Variants in PCDHGB6 observed in about 807,000 individuals in gnomAD.
The protein encoded by PCDHGB6 is protocadherin gamma subfamily B, 6.
A neutral mutation model predicts 59.1 loss-of-function variants in PCDHGB6; 51 were observed. The ratio of observed to expected loss-of-function variants is 0.86; its 90% CI spans 0.69 to 1.09. The LOEUF is 1.09. Among genes scored for constraint, PCDHGB6 ranks in the 50% least tolerant of loss-of-function variants. The pLI is 0.00. For missense variants in PCDHGB6, 1,148 were observed against 1,205.1 expected (o/e 0.95, Z 0.70); for synonymous variants, 466 against 495.1 (o/e 0.94, Z 0.78).
At chr5:141,413,970 G>A in intron 1 of PCDHGB6, 1 of 1,613,450 alleles carries the variant, frequency 6.2e-7, no homozygotes, top group Non-Finnish European at 8.5e-7. Flanking sequence ...GCACTCAGCT[G>A]CTGACAGTCA....
chr5:141,423,119 G>A (rs769320490), intron 1 of PCDHGB6: 1 of 1,613,774 alleles, frequency 6.2e-7, no homozygotes, highest in South Asian at 1.1e-5. Context: ...CGTACAGCGC[G>A]GGCACTGCTG....
intron 1 of PCDHGB6, among the ~76,000 whole-genome samples, chr5:141,445,953 T>C (rs550111391): frequency 2.0e-4 from 31 of 152,308 alleles, no homozygotes; most frequent in Middle Eastern, 3.4e-3. Flanking sequence ...CTCTGGCTGC[T>C]ATATGGAGAA....
intron 1 of PCDHGB6, among the ~76,000 whole-genome samples, chr5:141,461,804 C>A (rs559757409): frequency 1.4e-3 from 212 of 152,036 alleles, no homozygotes; most frequent in African/African-American, 5.0e-3. Context: ...CAGGTGCCCA[C>A]CACCACACCC....
chr5:141,478,164 C>A (rs202185809), intron 1 of PCDHGB6: 2 of 1,614,010 alleles, frequency 1.2e-6, no homozygotes, highest in African/African-American at 1.3e-5. Context: ...GGCTCTGCCC[C>A]CCGGGAGCAG....
At chr5:141,502,767 C>T (rs970206343) in intron 2 of PCDHGB6, among the ~76,000 whole-genome samples, 1 of 151,756 alleles carries the variant, frequency 6.6e-6, no homozygotes, top group East Asian at 1.9e-4. Flanking sequence ...TGCTGGTATT[C>T]TTCTGAAAAT....
At chr5:141,428,120 C>A in intron 1 of PCDHGB6, 1 of 1,606,526 alleles carries the variant, frequency 6.2e-7, no homozygotes, top group Non-Finnish European at 8.5e-7. Flanking sequence ...CCATCGAGCC[C>A]GGGCTTTTCA....
intron 2 of PCDHGB6, among the ~76,000 whole-genome samples, chr5:141,504,621 T>A (rs1185981312): frequency 7.9e-6 from 1 of 126,856 alleles, no homozygotes; most frequent in Non-Finnish European, 1.6e-5. Flanking sequence ...GATAGGAAAG[T>A]GCACCTTGGA....
chr5:141,426,909 G>A (rs1293364217), intron 1 of PCDHGB6: 1 of 456,744 alleles, frequency 2.2e-6, no homozygotes, highest in Non-Finnish European at 4.4e-6. Flanking sequence ...TCATCTCCTG[G>A]TCCTGGAAGC....
chr5:141,418,527 G>A, intron 1 of PCDHGB6: 2 of 1,614,018 alleles, frequency 1.2e-6, no homozygotes, highest in South Asian at 1.1e-5. Flanking sequence ...CCTCCCCGAA[G>A]CGGTACTGCT....
chr5:141,415,605 G>GGT, intron 1 of PCDHGB6: 1 of 1,613,122 alleles, frequency 6.2e-7, no homozygotes. Context: ...ATACCCCATT[G>GGT]GTTCCAGTGA....
intron 1 of PCDHGB6, chr5:141,475,937 C>G (rs970582600): frequency 2.8e-5 from 19 of 676,764 alleles, no homozygotes; most frequent in African/African-American, 1.8e-4. Context: ...GGCCCCTGCC[C>G]GTCCCCTTTC....
At position 141,491,305 on chromosome 5, in the gene PCDHGB6, G is replaced by T. The variant is rs1461861151; in HGVS notation, c.2419-3502G>T. 6.2e-7 allele frequency: 1 copy of T among 1,614,176 alleles called. No homozygotes were observed. Among genetic ancestry groups the T allele is most frequent in the African/African-American group, 1.3e-5 (1 of 75,048 alleles). ...CCTCATACACCCTCCTGAGCGTTCA[G>T]ACCTTACCCTTTACCTCATTGTGGC... On this transcript the variant is annotated intron_variant, in intron 1 of 3. Coordinates refer to ENST00000520790, the MANE Select transcript of PCDHGB6 (RefSeq NM_018926.3). This position sits in a 1 kb window ranked among gnomAD's most constrained non-coding sequence, Gnocchi z 6.9.
chr5:141,502,282 C>A (rs187281689), intron 2 of PCDHGB6, among the ~76,000 whole-genome samples: 1 of 151,848 alleles, frequency 6.6e-6, no homozygotes, highest in Non-Finnish European at 1.5e-5. Flanking sequence ...GCATAGATTG[C>A]ATTTGGTTGT....
chr5:141,491,080 A>T lies in PCDHGB6; in HGVS notation c.2419-3727A>T. On this transcript the variant is annotated intron_variant, in intron 1 of 3. Transcript: ENST00000520790. This position sits in a 1 kb window ranked among gnomAD's most constrained non-coding sequence, Gnocchi z 6.9. ...CTCCTACTCACTGTTGCCACAGTCC[A>T]CAGCCCCAGGACTGTTCCTCGTGTC... The T allele has an allele frequency of 6.2e-7, 1 of 1,614,116 alleles. No individual in the cohort carries two copies. Among genetic ancestry groups the T allele is most frequent in the Non-Finnish European group, 8.5e-7 (1 of 1,179,994 alleles).
chr5:141,418,330 A>C (rs1346623372), intron 1 of PCDHGB6: 2 of 1,613,922 alleles, frequency 1.2e-6, no homozygotes, highest in Admixed American at 1.7e-5. Flanking sequence ...TTGAGTCTGC[A>C]GAAGATCCTG....
At chr5:141,411,059 C>T (rs1384816111) in intron 1 of PCDHGB6, 1 of 156,328 alleles carries the variant, frequency 6.4e-6, no homozygotes, top group African/African-American at 2.4e-5. Context: ...ACTATGTCGA[C>T]CAGGCTGTTC....
rs769074023 is a variant in PCDHGB6, at chr5:141,491,738, G to A, written c.2419-3069G>A. ...GCGCCGCCCCGGGCGACCCCTGGGG[G>A]CGGCACTGGAGAAGCCGCCCGTCCT... On this transcript the variant is annotated intron_variant, in intron 1 of 3. Transcript: ENST00000520790. The surrounding 1 kb of genome is among the most constrained non-coding windows in gnomAD (Gnocchi z 6.9). 6.2e-7 allele frequency: 1 copy of A among 1,600,346 alleles called. No homozygotes were observed. The highest frequency in any genetic ancestry group is 8.5e-7 in the Non-Finnish European group (1 of 1,174,196).
intron 1 of PCDHGB6, among the ~76,000 whole-genome samples, chr5:141,467,109 A>G (rs1431550069): frequency 2.0e-5 from 3 of 150,594 alleles, no homozygotes; most frequent in African/African-American, 4.9e-5. Context: ...CTGGAGTACA[A>G]TGGTGCAATC....
chr5:141,509,442 T>C (rs1473514859), intron 3 of PCDHGB6, among the ~76,000 whole-genome samples: 3 of 152,008 alleles, frequency 2.0e-5, no homozygotes, highest in Non-Finnish European at 2.9e-5. Flanking sequence ...TGTTTCCTCC[T>C]CTCCCACCCC....
Sources: allele counts gnomAD v4.1 joint callset (sites outside exome capture counted in the v4.1 genomes callset), GRCh38; gene constraint gnomAD v4.1.1; non-coding constraint Gnocchi (gnomAD v3.1); transcripts MANE v1.5; gene names NCBI Gene and HGNC (gene_info 2026-07-23, HGNC 2026-07-21).